Variants in SPATA13 observed in about 807,000 individuals in gnomAD.
The protein encoded by SPATA13 is spermatogenesis-associated protein 13.
Under a neutral mutation model 104.0 loss-of-function variants are expected in SPATA13, and 50 were observed. The ratio of observed to expected loss-of-function variants is 0.48; its 90% CI spans 0.38 to 0.61. The LOEUF is 0.61. SPATA13 is among the 20% of genes least tolerant of loss of function. SPATA13 has a pLI of 0.00. For missense variants in SPATA13, 1,524 were observed against 1,690.6 expected (o/e 0.90, Z 1.73); for synonymous variants, 606 against 667.5 (o/e 0.91, Z 1.42).
At chr13:24,268,162 T>A (rs1042879064) in intron 4 of SPATA13, among the ~76,000 whole-genome samples, 1 of 152,244 alleles carries the variant, frequency 6.6e-6, no homozygotes, top group African/African-American at 2.4e-5. Context: ...GGCACAGCTG[T>A]CAGTGGGAAC....
At chr13:24,071,948 C>A (rs1347063585) in intron 3 of SPATA13, among the ~76,000 whole-genome samples, 2 of 152,142 alleles carry the variant, frequency 1.3e-5, no homozygotes, top group African/African-American at 2.4e-5. Flanking sequence ...CTGGTTATGG[C>A]AAGGTATTGG....
At chr13:24,241,268 C>A (rs1433002902) in intron 2 of SPATA13, among the ~76,000 whole-genome samples, 2 of 152,168 alleles carry the variant, frequency 1.3e-5, no homozygotes, top group Non-Finnish European at 2.9e-5. Context: ...AGTATTGTGC[C>A]TGGTCTGTTT....
upstream of SPATA13, among the ~76,000 whole-genome samples, chr13:24,157,222 A>T (rs1207103964): frequency 6.6e-6 from 1 of 152,230 alleles, no homozygotes; most frequent in African/African-American, 2.4e-5. Flanking sequence ...ATAAATTAAT[A>T]AATCAGGTTA....
chr13:24,041,114 G>A (rs922177260), intron 3 of SPATA13, among the ~76,000 whole-genome samples: 8 of 152,206 alleles, frequency 5.3e-5, no homozygotes, highest in Non-Finnish European at 8.8e-5. Context: ...TGTGGGATGG[G>A]GGTAGGATGT....
At position 24,228,931 on chromosome 13, in the gene SPATA13, C is replaced by T. The variant is rs1872103846; in HGVS notation, c.1653+4349C>T. Among the ~76,000 whole-genome samples the T allele has an allele frequency of 1.3e-5, 2 of 152,268 alleles. 1 individual carries two copies. ...AAAATAATCGTTGAAAAATTTTAAG[C>T]AGTCTAACAAGATTGTGTATTGCTG... On this transcript the variant is annotated intron_variant, in intron 2 of 12. Coordinates refer to ENST00000382108, the MANE Select transcript of SPATA13 (RefSeq NM_001166271.3).
intron 4 of SPATA13, chr13:24,278,630 A>G (rs1875195488): frequency 4.1e-6 from 6 of 1,474,998 alleles, no homozygotes; most frequent in Admixed American, 6.0e-5. Context: ...TTCATGTATC[A>G]TCATTCCACT....
At chr13:24,241,275 G>A (rs1872818568) in intron 2 of SPATA13, among the ~76,000 whole-genome samples, 1 of 152,338 alleles carries the variant, frequency 6.6e-6, no homozygotes, top group African/African-American at 2.4e-5. Context: ...TGCCTGGTCT[G>A]TTTCTGGCCC....
At chr13:24,284,048 G>A in intron 4 of SPATA13, 87 bp from the exon 5 acceptor site, 1 of 1,380,964 alleles carries the variant, frequency 7.2e-7, no homozygotes, top group Non-Finnish European at 1.0e-6. Context: ...ACCTTCCCTT[G>A]GGAGTATGTT....
intron 3 of SPATA13, among the ~76,000 whole-genome samples, chr13:24,131,369 T>G: frequency 6.6e-6 from 1 of 152,184 alleles, no homozygotes; most frequent in Admixed American, 6.5e-5. Context: ...ACCAGCTGAC[T>G]TCTCACAGGG....
chr13:24,225,210 G>A (rs1159092007), intron 2 of SPATA13, among the ~76,000 whole-genome samples: 1 of 152,258 alleles, frequency 6.6e-6, no homozygotes, highest in African/African-American at 2.4e-5. Flanking sequence ...GAATGGAGCA[G>A]CGAGGGGTGT....
chr13:24,113,340 C>T (rs372749428), intron 3 of SPATA13, among the ~76,000 whole-genome samples: 7 of 152,308 alleles, frequency 4.6e-5, no homozygotes, highest in East Asian at 3.9e-4. Flanking sequence ...CAGTGGCTCA[C>T]GCTTGTAATC....
intron 4 of SPATA13, among the ~76,000 whole-genome samples, chr13:24,283,791 C>A (rs1356137084): frequency 6.6e-6 from 1 of 152,206 alleles, no homozygotes; most frequent in African/African-American, 2.4e-5. Flanking sequence ...CCTCAGCTTT[C>A]CAGCACATTG....
At chr13:24,080,223 A>G (rs12872637) in intron 3 of SPATA13, among the ~76,000 whole-genome samples, 6,970 of 152,306 alleles carry the variant, frequency 0.046, 198 homozygotes, top group Admixed American at 0.086. Flanking sequence ...CCGTATGTCA[A>G]AACAGCAGCG....
intron 10 of SPATA13, among the ~76,000 whole-genome samples, chr13:24,295,339 A>C (rs372304811): frequency 6.6e-5 from 10 of 152,260 alleles, no homozygotes; most frequent in African/African-American, 2.2e-4. Flanking sequence ...GGCCAGGCAC[A>C]GTGGCTCACA....
chr13:24,004,714 T>A (rs1343980080), intron 2 of SPATA13, among the ~76,000 whole-genome samples: 1 of 152,146 alleles, frequency 6.6e-6, no homozygotes, highest in Non-Finnish European at 1.5e-5. Context: ...TTACATTCCA[T>A]ACGATTTATC....
chr13:24,301,747 T>C (rs1593520635), intron 12 of SPATA13, among the ~76,000 whole-genome samples: 1 of 152,364 alleles, frequency 6.6e-6, no homozygotes, highest in South Asian at 2.1e-4. Context: ...CATGCTGACT[T>C]ACACAGTTAC....
At position 24,051,519 on chromosome 13, in the gene SPATA13, G is replaced by C. The variant is rs1273495162; in HGVS notation, c.-112+33818G>C. Among the ~76,000 whole-genome samples, 1 of 152,182 alleles carries C rather than the reference G, an allele frequency of 6.6e-6. No individual in the cohort carries two copies. Among genetic ancestry groups the C allele is most frequent in the East Asian group, 1.9e-4 (1 of 5,192 alleles). ...ATACTCATGCACACCCAACCCTTAG[G>C]GGAGGAGATTATGCCCAGTGGGTGG... On this transcript the variant is annotated intron_variant, in intron 3 of 14. Coordinates refer to the SPATA13 transcript ENST00000424834. The surrounding 1 kb of genome is among the most constrained non-coding windows in gnomAD (Gnocchi z 4.2).
rs767925251 is a variant in SPATA13, at chr13:24,306,864, T to C, written c.*4091T>C. ...TCATTAACTTCAAGATGATGTGTCA[T>C]CTGTATAGGTCAAAGAATGGGACTT... is the stretch of plus-strand genomic sequence containing the variant. On this transcript the variant is annotated 3_prime_UTR_variant, in exon 13 of 13. Transcript: ENST00000382108. 6.6e-6 allele frequency: 1 copy of C among 152,226 alleles called. No individual in the cohort carries two copies. Among genetic ancestry groups the C allele is most frequent in the Non-Finnish European group, 1.5e-5 (1 of 68,040 alleles). The allele number at this position is 152,226 out of a possible 1,614,324, so 9.4% of individuals were successfully genotyped here.
intron 3 of SPATA13, among the ~76,000 whole-genome samples, chr13:24,021,373 G>A (rs1196689540): frequency 6.6e-6 from 1 of 152,218 alleles, no homozygotes; most frequent in African/African-American, 2.4e-5. Context: ...TGCACCTGTA[G>A]TCCCAGCTAC....
Sources: gnomAD v4.1 joint callset for allele counts (sites outside exome capture counted in the v4.1 genomes callset) on GRCh38, gnomAD v4.1.1 for gene constraint, Gnocchi (gnomAD v3.1) non-coding constraint, MANE v1.5 for transcripts, NCBI Gene and HGNC (gene_info 2026-07-23, HGNC 2026-07-21) for gene names.